Variants in CACNA2D3 observed in about 807,000 individuals in gnomAD.
CACNA2D3 encodes the protein voltage-dependent calcium channel subunit alpha-2/delta-3.
A neutral mutation model predicts 160.6 loss-of-function variants in CACNA2D3; 60 were observed. The ratio of observed to expected loss-of-function variants is 0.37; its 90% CI spans 0.30 to 0.46. The LOEUF is 0.46. CACNA2D3 is among the 20% of genes least tolerant of loss of function. CACNA2D3 has a pLI of 1.00. For missense variants in CACNA2D3, 1,205 were observed against 1,365.0 expected (o/e 0.88, Z 1.85); for synonymous variants, 558 against 492.9 (o/e 1.13, Z -1.75).
At chr3:54,347,749 A>G (rs1698484687) in intron 3 of CACNA2D3, among the ~76,000 whole-genome samples, 1 of 151,922 alleles carries the variant, frequency 6.6e-6, no homozygotes, top group African/African-American at 2.4e-5. Context: ...TGGTAAGATG[A>G]TTCCAGGCTC....
intron 11 of CACNA2D3, among the ~76,000 whole-genome samples, chr3:54,676,640 G>A (rs1033569508): frequency 7.2e-5 from 11 of 152,322 alleles, no homozygotes; most frequent in African/African-American, 2.6e-4. Context: ...CCATAGGCTG[G>A]CAGGAATCCC....
At chr3:54,687,718 GA>G (rs1357042593) in intron 11 of CACNA2D3, among the ~76,000 whole-genome samples, 1 of 152,180 alleles carries the variant, frequency 6.6e-6, no homozygotes, top group African/African-American at 2.4e-5. Flanking sequence ...GAATCATTTT[GA>G]CATAGCAACT....
intron 2 of CACNA2D3, among the ~76,000 whole-genome samples, chr3:54,170,189 C>CAAA (rs1304301578): frequency 1.5e-4 from 11 of 73,252 alleles, no homozygotes; most frequent in African/African-American, 3.6e-4. Context: ...GCCTCCATCT[C>CAAA]AAAAAAAAAA....
At chr3:54,387,004 A>C (rs968914361) in intron 4 of CACNA2D3, among the ~76,000 whole-genome samples, 8 of 152,216 alleles carry the variant, frequency 5.3e-5, no homozygotes, top group African/African-American at 9.6e-5. Context: ...ATCAGATTTC[A>C]ATAAACTATT....
chr3:54,922,925 C>G (rs1559630851), intron 27 of CACNA2D3, among the ~76,000 whole-genome samples: 1 of 152,162 alleles, frequency 6.6e-6, no homozygotes, highest in East Asian at 1.9e-4. Flanking sequence ...TTATGGTCTT[C>G]TCTTAGTCAT....
At chr3:54,788,024 C>A (rs578027794) in intron 13 of CACNA2D3, among the ~76,000 whole-genome samples, 1 of 152,322 alleles carries the variant, frequency 6.6e-6, no homozygotes, top group African/African-American at 2.4e-5. Context: ...ACTTCCTAAT[C>A]ATTGCTGTTG....
chr3:54,473,758 A>G (rs1700778605), intron 4 of CACNA2D3, among the ~76,000 whole-genome samples: 1 of 152,254 alleles, frequency 6.6e-6, no homozygotes, highest in Non-Finnish European at 1.5e-5. Flanking sequence ...GAAGACATTT[A>G]TGCGGCCAAC....
At chr3:54,293,767 G>C (rs1296610753) in intron 2 of CACNA2D3, among the ~76,000 whole-genome samples, 1 of 152,168 alleles carries the variant, frequency 6.6e-6, no homozygotes, top group African/African-American at 2.4e-5. Context: ...ACAGAGAATA[G>C]ATCTGTGGTT....
At chr3:54,684,869 A>G (rs866382185) in intron 11 of CACNA2D3, among the ~76,000 whole-genome samples, 2 of 152,158 alleles carry the variant, frequency 1.3e-5, no homozygotes, top group African/African-American at 4.8e-5. Context: ...TCTCAGTCAT[A>G]TAAGAGGAGG....
chr3:54,500,644 C>T (rs1701280270), intron 4 of CACNA2D3, among the ~76,000 whole-genome samples: 1 of 147,362 alleles, frequency 6.8e-6, no homozygotes, highest in Non-Finnish European at 1.5e-5. Flanking sequence ...CTTTTTCTGC[C>T]TTCTCTAGTT....
chr3:54,289,335 G>C (rs1703121332), intron 2 of CACNA2D3, among the ~76,000 whole-genome samples: 1 of 151,932 alleles, frequency 6.6e-6, no homozygotes, highest in Non-Finnish European at 1.5e-5. Flanking sequence ...AAATACCTAG[G>C]AATCCAACTT....
chr3:54,516,869 C>A lies in CACNA2D3; in HGVS notation c.544+13215C>A, dbSNP rs148750434. On this transcript the variant is annotated intron_variant, in intron 5 of 37. Coordinates refer to ENST00000474759, the MANE Select transcript of CACNA2D3 (RefSeq NM_018398.3). ...AGGGGAATTAGCAAGACAAAGTGCC[C>A]CCAAAATCCAGATGAAGAGGTGATG... Among the ~76,000 whole-genome samples, 366 of 152,192 alleles carry A rather than the reference C, an allele frequency of 2.4e-3. 3 individuals are homozygous for A. Among genetic ancestry groups the A allele is most frequent in the African/African-American group, 8.4e-3 (350 of 41,526 alleles).
intron 35 of CACNA2D3, among the ~76,000 whole-genome samples, chr3:55,052,528 T>C (rs1169934369): frequency 6.6e-6 from 1 of 152,044 alleles, no homozygotes; most frequent in African/African-American, 2.4e-5. Flanking sequence ...GTTTCTATAT[T>C]CTTACAGATT....
rs1246139740 is a variant in CACNA2D3, at chr3:54,854,225, C to A, written c.1626+7758C>A. On this transcript the variant is annotated intron_variant, in intron 17 of 37. Coordinates refer to ENST00000474759, the MANE Select transcript of CACNA2D3 (RefSeq NM_018398.3). ...AGACTGTGTGACCCCACGTAGCGAGCCTGTTCTTTTGGAAATACATCATTT... is the reference window on the plus strand; with the variant it reads ...AGACTGTGTGACCCCACGTAGCGAGACTGTTCTTTTGGAAATACATCATTT... 2.6e-5 allele frequency among the ~76,000 whole-genome samples: 4 copies of A among 152,240 alleles called. No homozygotes were observed. The East Asian group carries it at 7.7e-4, about 29-fold the overall frequency.
chr3:54,690,692 C>T (rs1700555336), intron 11 of CACNA2D3, among the ~76,000 whole-genome samples: 1 of 152,090 alleles, frequency 6.6e-6, no homozygotes, highest in Admixed American at 6.5e-5. Flanking sequence ...ACTGAAGAAC[C>T]AGTATGGATC....
At chr3:54,721,161 T>C (rs2106987684) in intron 11 of CACNA2D3, among the ~76,000 whole-genome samples, 1 of 152,292 alleles carries the variant, frequency 6.6e-6, no homozygotes, top group East Asian at 1.9e-4. Flanking sequence ...CTTTTCCCAC[T>C]TATATAATGT....
intron 31 of CACNA2D3, among the ~76,000 whole-genome samples, chr3:55,003,796 C>T (rs1167871273): frequency 1.3e-5 from 2 of 152,094 alleles, no homozygotes; most frequent in Non-Finnish European, 2.9e-5. Context: ...ATCTTCTCTT[C>T]TCTGGTGAAT....
Position 54,672,683 on chromosome 3 carries a change from A to C in CACNA2D3, c.1167+30442A>C, listed in dbSNP as rs906551483. 4.7e-4 allele frequency among the ~76,000 whole-genome samples: 72 copies of C among 152,264 alleles called. 3 individuals are homozygous for C. The highest frequency in any genetic ancestry group is 3.1e-4 in the Non-Finnish European group (21 of 68,048). On this transcript the variant is annotated intron_variant, in intron 11 of 37. Coordinates refer to ENST00000474759, the MANE Select transcript of CACNA2D3 (RefSeq NM_018398.3). ...GGGAGCAACTTGTTTGGCTTTGCCA[A>C]GATGTCAGCTAAGGCACTTTCAAAT... is the stretch of plus-strand genomic sequence containing the variant.
chr3:54,760,658 T>C (rs1702065417), intron 12 of CACNA2D3, among the ~76,000 whole-genome samples: 1 of 151,072 alleles, frequency 6.6e-6, no homozygotes, highest in Non-Finnish European at 1.5e-5. Flanking sequence ...CATCTTGGAG[T>C]AGTGAAGCAG....
Sources: gnomAD v4.1 joint callset for allele counts (sites outside exome capture counted in the v4.1 genomes callset) on GRCh38, gnomAD v4.1.1 for gene constraint, MANE v1.5 for transcripts, NCBI Gene and HGNC (gene_info 2026-07-23, HGNC 2026-07-21) for gene names.